TTN: variants seen among roughly 807,000 people sequenced by gnomAD.
TTN encodes connectin.
A neutral mutation model predicts 3,223.0 loss-of-function variants in TTN; 1,525 were observed. That is an observed-to-expected ratio of 0.47 (90% CI 0.45 to 0.49). TTN has a LOEUF of 0.49. TTN is among the 20% of genes least tolerant of loss of function. TTN has a pLI of 0.00. For synonymous variants in TTN, 14,094 were observed against 15,161.0 expected (o/e 0.93, Z 5.17); for missense variants, 40,786 against 43,424.0 (o/e 0.94, Z 5.40).
intron 90 of TTN, 84 bp downstream of exon 90, chr2:178,714,902 A>G: frequency 6.7e-7 from 1 of 1,503,372 alleles, no homozygotes; most frequent in Non-Finnish European, 8.9e-7. Context: ...TGCTAGTGAT[A>G]AGACTGGGCT....
Position 178,569,377 on chromosome 2 carries a change from G to A in TTN, c.76755C>T (p.Asn25585=). The change falls in exon 326 of 363, where the codon AAC becomes AAT. Residue 25585 remains asparagine (N), a synonymous_variant. Coordinates refer to ENST00000589042, the MANE Select transcript of TTN (RefSeq NM_001267550.2). ...DSGKYTLTLE[N]SSGTKSAFVT... is the part of the protein sequence containing the mutation. ...CAAAGGCAGACTTTGTTCCACTGCT[G>A]TTTTCTAATGTAAGCGTATATTTTC... 1 of 1,613,380 alleles carries A rather than the reference G, an allele frequency of 6.2e-7. No homozygotes were observed. The highest frequency in any genetic ancestry group is 8.5e-7 in the Non-Finnish European group (1 of 1,179,566).
At chr2:178,717,887 A>C (rs2077735033) in intron 86 of TTN, 56 bp downstream of exon 86, 2 of 1,574,118 alleles carry the variant, frequency 1.3e-6, no homozygotes, top group African/African-American at 2.7e-5. Context: ...TAAAAGTTTT[A>C]ACGTTTTTAA....
At chr2:178,751,711 G>A in intron 47 of TTN, 1 of 1,613,228 alleles carries the variant, frequency 6.2e-7, no homozygotes, top group Non-Finnish European at 8.5e-7. Flanking sequence ...TCTCTAAGCT[G>A]GAAGAGTGAT....
In TTN at chr2:178,777,401, T is replaced by C. The variant is rs773772445; in HGVS notation, c.4645+19A>G. The C allele has an allele frequency of 1.2e-6, 2 of 1,611,748 alleles. No individual in the cohort carries two copies. Among genetic ancestry groups the C allele is most frequent in the Non-Finnish European group, 1.7e-6 (2 of 1,178,938 alleles). On this transcript the variant is annotated intron_variant, in intron 26 of 362. Coordinates refer to ENST00000589042, the MANE Select transcript of TTN (RefSeq NM_001267550.2). Reference sequence around the variant, plus strand: ...AAGTGATAAGAAAATTCATTTATTTTTATTTTATCTCATTTTACCTTCCAC... The same window carrying C: ...AAGTGATAAGAAAATTCATTTATTTCTATTTTATCTCATTTTACCTTCCAC...
Position 178,729,696 on chromosome 2 carries a change from G to T in TTN, c.18557C>A (p.Thr6186Lys), listed in dbSNP as rs200359082. The T allele has an allele frequency of 6.2e-7, 1 of 1,613,590 alleles. No homozygotes were observed. The highest frequency in any genetic ancestry group is 1.3e-5 in the African/African-American group (1 of 74,892). The change falls in exon 63 of 363, where the codon ACG becomes AAG. Residue 6186 changes from threonine (T) to lysine (K), a missense_variant. By Grantham distance (78) the Thr-to-Lys change is moderately conservative (BLOSUM62 -1). Coordinates refer to ENST00000589042, the MANE Select transcript of TTN (RefSeq NM_001267550.2). ...YVCEARNDAG[T>K]ASCSIELKVK... The stretch of plus-strand genomic sequence containing the variant: ...TTTGAGTTCAATGCTGCAGCTCGCC[G>T]TGCCTGCGTCATTTCGAGCTTCACA...
In TTN at chr2:178,770,334, T is replaced by C; in HGVS notation, c.8381-14A>G. On this transcript the variant is annotated splice_polypyrimidine_tract_variant and intron_variant, in intron 35 of 362. Transcript: ENST00000589042. ...TGATCTTGACAGCTAAGAGGAAAAT[T>C]GGAGCAATTCAGTGATAGGGTTAAC... 2.5e-6 allele frequency: 4 copies of C among 1,614,148 alleles called. No homozygotes were observed. Among genetic ancestry groups the C allele is most frequent in the Non-Finnish European group, 3.4e-6 (4 of 1,180,018 alleles).
At position 178,576,681 on chromosome 2, in the gene TTN, C is replaced by G; in HGVS notation, c.69563G>C (p.Arg23188Thr). 1.2e-6 allele frequency: 2 copies of G among 1,613,530 alleles called. No individual in the cohort carries two copies. Among genetic ancestry groups the G allele is most frequent in the Non-Finnish European group, 8.5e-7 (1 of 1,179,608 alleles). The change falls in exon 325 of 363, where the codon AGA becomes ACA. Residue 23188 changes from arginine to threonine, a missense_variant. Coordinates refer to ENST00000589042, the MANE Select transcript of TTN (RefSeq NM_001267550.2). This position sits in a 1 kb window ranked among gnomAD's most constrained non-coding sequence, Gnocchi z 4.3. ...ATCGGAAACTGGTGTTTTTATTGCT[C>G]TCACCCATCGCAGGCTTTTCTTTTC... is the stretch of plus-strand genomic sequence containing the variant. Reference protein sequence around the residue: ...RREKKSLRWVRAIKTPVSDLR... With the variant: ...RREKKSLRWVTAIKTPVSDLR...
In TTN at chr2:178,663,800, T is replaced by G; in HGVS notation, c.36448+19A>C. On this transcript the variant is annotated intron_variant, in intron 170 of 362. Transcript: ENST00000589042. ...GAGCAAAAGAATGAGATCTGAAGCC[T>G]AAGGTCAGTGGCAACTACCTTTAAC... 1.2e-6 allele frequency: 2 copies of G among 1,613,360 alleles called. No homozygotes were observed. Among genetic ancestry groups the G allele is most frequent in the Non-Finnish European group, 1.7e-6 (2 of 1,179,734 alleles).
intron 6 of TTN, among the ~76,000 whole-genome samples, chr2:178,795,929 C>T (rs998791576): frequency 6.6e-6 from 1 of 152,194 alleles, no homozygotes; most frequent in Non-Finnish European, 1.5e-5. Flanking sequence ...TGTTTACACT[C>T]GCCCCCCTTG....
In TTN at chr2:178,529,152, T is replaced by C; in HGVS notation, c.106599A>G (p.Lys35533=). 1 of 1,575,776 alleles carries C rather than the reference T, an allele frequency of 6.3e-7. No individual in the cohort carries two copies. Among genetic ancestry groups the C allele is most frequent in the Non-Finnish European group, 8.6e-7 (1 of 1,164,520 alleles). ...QKTSEITPQK[K]AVVQEEISQK... is the part of the protein sequence containing the mutation. ...GGGAAATTTCCTCTTGGACAACAGC[T>C]TTCTTCTGAGGTGTAATTTCAGAAG... The change falls in exon 360 of 363, where the codon AAA becomes AAG. Residue 35533 remains lysine, a synonymous_variant. Transcript: ENST00000589042.
At position 178,730,942 on chromosome 2, in the gene TTN, G is replaced by A; in HGVS notation, c.17723C>T (p.Ala5908Val). 6.2e-7 allele frequency: 1 copy of A among 1,605,732 alleles called. No individual in the cohort carries two copies. Among genetic ancestry groups the A allele is most frequent in the South Asian group, 1.1e-5 (1 of 89,604 alleles). The change falls in exon 60 of 363, where the codon GCT becomes GTT. Residue 5908 changes from alanine to valine, a missense_variant. Ala to Val is a moderately conservative substitution (Grantham distance 64). Transcript: ENST00000589042. ...ATACCAACCTAATACATTAATTCTA[G>A]CCTTGCAGCTGCTCCTCCCAACATC... ...QNDVGRSSCKARINVLDLIIP... is the reference protein window; with the variant it reads ...QNDVGRSSCKVRINVLDLIIP...
In TTN at chr2:178,547,863, T is replaced by C. The variant is rs1219872044; in HGVS notation, c.93763A>G (p.Arg31255Gly). 2 of 1,613,816 alleles carry C rather than the reference T, an allele frequency of 1.2e-6. No individual in the cohort carries two copies. The highest frequency in any genetic ancestry group is 1.7e-6 in the Non-Finnish European group (2 of 1,179,850). ...CTCACTCGATCTGTCTCTTTAAGTC[T>C]CATTTCTTCCAGTTTCCATGTTACT... ...PKVTWKLEEMRLKETDRVSIT... is the reference protein window; with the variant it reads ...PKVTWKLEEMGLKETDRVSIT... The change falls in exon 339 of 363, where the codon AGA becomes GGA. Residue 31255 changes from arginine (R) to glycine (G), a missense_variant. By Grantham distance (125) the Arg-to-Gly change is moderately radical. Transcript: ENST00000589042.
At chr2:178,605,321 A>G (rs2054514390) in intron 279 of TTN, 26 bp from the exon 280 acceptor site, 10 of 1,540,614 alleles carry the variant, frequency 6.5e-6, no homozygotes, top group Admixed American at 2.1e-5. Flanking sequence ...AAAGAAAAAC[A>G]GTAACAAAGT....
rs914913478 is a variant in TTN, at chr2:178,566,325, C to A, written c.79807G>T (p.Val26603Phe). 4 of 1,613,474 alleles carry A rather than the reference C, an allele frequency of 2.5e-6. No homozygotes were observed. The highest frequency in any genetic ancestry group is 3.4e-6 in the Non-Finnish European group (4 of 1,179,708). The change falls in exon 326 of 363, where the codon GTT becomes TTT. Residue 26603 changes from valine to phenylalanine, a missense_variant. Val to Phe is a conservative substitution (Grantham distance 50). Coordinates refer to ENST00000589042, the MANE Select transcript of TTN (RefSeq NM_001267550.2). Reference protein sequence around the residue: ...DLDSELRKGIVVRAGGSARIH... With the variant: ...DLDSELRKGIFVRAGGSARIH... ...CTGGCAGATCCACCAGCTCTTACAACAATTCCTTTTCTTAATTCGGAGTCA... is the reference window on the plus strand; with the variant it reads ...CTGGCAGATCCACCAGCTCTTACAAAAATTCCTTTTCTTAATTCGGAGTCA...
At chr2:178,799,102 A>T (rs753095527) in intron 6 of TTN, 50 of 210,876 alleles carry the variant, frequency 2.4e-4, no homozygotes, top group Non-Finnish European at 4.0e-4. Context: ...ACACGGGAGG[A>T]GGGCAGGGAA....
chr2:178,593,102 A>C lies in TTN; in HGVS notation c.59036-19T>G. The C allele has an allele frequency of 2.5e-6, 4 of 1,611,300 alleles. No individual in the cohort carries two copies. The South Asian group carries it at 4.4e-5, about 18-fold the overall frequency. Reference sequence around the variant, plus strand: ...GGTTTAGCTAAAAAATAAAAGTAAAAAACGAATTAGCATATAGCTGAAAAC... The same window carrying C: ...GGTTTAGCTAAAAAATAAAAGTAAACAACGAATTAGCATATAGCTGAAAAC... On this transcript the variant is annotated intron_variant, in intron 299 of 362. Transcript: ENST00000589042.
Position 178,618,835 on chromosome 2 carries a change from G to C in TTN, c.46715C>G (p.Thr15572Arg). Reference sequence around the variant, plus strand: ...ATCAACCACAAGGTCTTGGTCAGCTGTCTTGATTTTTGGTGCAGCTAGTGA... The same window carrying C: ...ATCAACCACAAGGTCTTGGTCAGCTCTCTTGATTTTTGGTGCAGCTAGTGA... ...LELAAAPKIK[T>R]ADQDLVVDVG... Residue 15572 changes from threonine to arginine, a missense_variant, in exon 251 of 363, where the codon ACA becomes AGA. Thr to Arg is a moderately conservative substitution (Grantham distance 71). Transcript: ENST00000589042. 1 of 1,609,694 alleles carries C rather than the reference G, an allele frequency of 6.2e-7. No individual in the cohort carries two copies. Among genetic ancestry groups the C allele is most frequent in the South Asian group, 1.1e-5 (1 of 90,676 alleles).
rs1350573127 is a variant in TTN at position 178,618,016 on chromosome 2, A to G, written c.47335T>C (p.Trp15779Arg). 5.0e-6 allele frequency: 8 copies of G among 1,612,440 alleles called. No individual in the cohort carries two copies. Among genetic ancestry groups the G allele is most frequent in the Admixed American group, 3.3e-5 (2 of 59,864 alleles). ...DVNRFGVSLT[W>R]EPPEYDGGAE... Reference sequence around the variant, plus strand: ...CCTCCATCATACTCTGGTGGTTCCCATGTCAGTGAGACACCAAATCGATTC... The same window carrying G: ...CCTCCATCATACTCTGGTGGTTCCCGTGTCAGTGAGACACCAAATCGATTC... Residue 15779 changes from tryptophan (W) to arginine (R), a missense_variant, in exon 253 of 363, where the codon TGG becomes CGG. By Grantham distance (101) the Trp-to-Arg change is moderately radical. Coordinates refer to ENST00000589042, the MANE Select transcript of TTN (RefSeq NM_001267550.2).
chr2:178,669,598 C>G lies in TTN; in HGVS notation c.35464G>C (p.Ala11822Pro). The change falls in exon 158 of 363, where the codon GCT (alanine) becomes CCT (proline). Residue 11822 changes from alanine (A) to proline (P), a missense_variant. Ala to Pro is a conservative substitution (Grantham distance 27). Coordinates refer to ENST00000589042, the MANE Select transcript of TTN (RefSeq NM_001267550.2). ...AVLKKPEVPPAKVPGMPKKSV... is the reference protein window; with the variant it reads ...AVLKKPEVPPPKVPGMPKKSV... ...GATTAGCATCACTGTATACCTTTAG[C>G]TGGTGGAACTTCAGGCTTTTTCAGA... 6.2e-7 allele frequency: 1 copy of G among 1,612,396 alleles called. No individual in the cohort carries two copies. Among genetic ancestry groups the G allele is most frequent in the Non-Finnish European group, 8.5e-7 (1 of 1,179,610 alleles).
Sources: allele counts gnomAD v4.1 joint callset (sites outside exome capture counted in the v4.1 genomes callset), GRCh38; gene constraint gnomAD v4.1.1; non-coding constraint Gnocchi (gnomAD v3.1); transcripts MANE v1.5; gene names NCBI Gene and HGNC (gene_info 2026-07-23, HGNC 2026-07-21).